Variants in TIAM1 observed in about 807,000 individuals in gnomAD.
The protein encoded by TIAM1 is rho guanine nucleotide exchange factor TIAM1.
TIAM1 carries 65 observed loss-of-function variants against 163.5 expected under a neutral mutation model. That is an observed-to-expected ratio of 0.40 (90% CI 0.33 to 0.49). TIAM1 has a LOEUF of 0.49. Among genes scored for constraint, TIAM1 ranks in the 20% least tolerant of loss-of-function variants. The probability of loss-of-function intolerance (pLI) is 0.77; values close to 1 mark genes in which losing one functional copy is unlikely to be tolerated. For synonymous variants in TIAM1, 833 were observed against 810.1 expected, an observed-to-expected ratio of 1.03 and a Z score of -0.48; for missense variants, 1,789 against 2,044.7, an observed-to-expected ratio of 0.87 and a Z score of 2.41.
chr21:31,518,580 C>T (rs1233901724), intron 1 of TIAM1, among the ~76,000 whole-genome samples: 9 of 152,128 alleles, frequency 5.9e-5, no homozygotes, highest in Non-Finnish European at 1.3e-4. Flanking sequence ...GGCCACTGCG[C>T]CCGGCCCTAA....
intron 1 of TIAM1, among the ~76,000 whole-genome samples, chr21:31,530,694 C>T (rs1283862528): frequency 6.6e-6 from 1 of 152,180 alleles, no homozygotes; most frequent in Non-Finnish European, 1.5e-5. Context: ...CATCAGCTGT[C>T]CCCACCAGCT....
Position 31,144,830 on chromosome 21 carries a change from GAAAAAAAAA to G in TIAM1, c.3475+2056_3475+2064del, listed in dbSNP as rs764835303. ...GGTGACAGAGTGAGACTCCATCTCAGAAAAAAAAAAAAAAAAAAAAAAGAAAAGAAAAGA... is the reference window on the plus strand; with the variant it reads ...GGTGACAGAGTGAGACTCCATCTCAGAAAAAAAAAAAAAGAAAAGAAAAGA... On this transcript the variant is annotated intron_variant, in intron 20 of 27. Transcript: ENST00000541036. Among the ~76,000 whole-genome samples the G allele has an allele frequency of 0.011, 824 of 74,534 alleles. 45 individuals are homozygous for G. The Admixed American group carries it at 0.13, about 12-fold the overall frequency. The allele number at this position is 74,534 out of a possible 152,430, so 48.9% of individuals were successfully genotyped here. A position where few individuals can be genotyped will look rare whatever the true frequency, so the allele number is the denominator to read the frequency against.
At chr21:31,539,317 G>A (rs2048243729) in intron 1 of TIAM1, among the ~76,000 whole-genome samples, 1 of 150,238 alleles carries the variant, frequency 6.7e-6, no homozygotes, top group Admixed American at 6.6e-5. Context: ...CCAGGCTGGA[G>A]TGCAGTGGCA....
chr21:31,537,295 A>C (rs2048168595), intron 1 of TIAM1, among the ~76,000 whole-genome samples: 1 of 152,228 alleles, frequency 6.6e-6, no homozygotes, highest in South Asian at 2.1e-4. Flanking sequence ...AACATAGGTC[A>C]AGGGTCTTGG....
chr21:31,466,004 C>G (rs2045519553), intron 1 of TIAM1, among the ~76,000 whole-genome samples: 1 of 152,224 alleles, frequency 6.6e-6, no homozygotes, highest in African/African-American at 2.4e-5. Context: ...CGGCGCCCGG[C>G]CTTCTTACAG....
chr21:31,200,693 C>T (rs565650756), intron 12 of TIAM1, among the ~76,000 whole-genome samples: 1 of 144,742 alleles, frequency 6.9e-6, no homozygotes, highest in South Asian at 2.1e-4. Context: ...TTTTTGAGAA[C>T]TATTTCAATA....
intron 2 of TIAM1, among the ~76,000 whole-genome samples, chr21:31,311,239 T>C (rs1408903758): frequency 6.6e-6 from 1 of 151,838 alleles, no homozygotes; most frequent in Non-Finnish European, 1.5e-5. Flanking sequence ...ACAAAGACCC[T>C]CCAAAGGGGA....
At chr21:31,328,526 A>G (rs940703793) in intron 2 of TIAM1, among the ~76,000 whole-genome samples, 1 of 151,388 alleles carries the variant, frequency 6.6e-6, no homozygotes, top group African/African-American at 2.4e-5. Flanking sequence ...ACACGGCACC[A>G]CGACTGGCTT....
upstream of TIAM1, among the ~76,000 whole-genome samples, chr21:31,348,684 T>C (rs1364530996): frequency 6.6e-6 from 1 of 152,166 alleles, no homozygotes; most frequent in Non-Finnish European, 1.5e-5. Flanking sequence ...TGCTAGGTAA[T>C]CTGAGGGTCT....
intron 2 of TIAM1, among the ~76,000 whole-genome samples, chr21:31,311,167 GT>G: frequency 9.8e-6 from 1 of 101,772 alleles, no homozygotes; most frequent in Non-Finnish European, 2.0e-5. Flanking sequence ...TTGTTTGTTT[GT>G]TTTGTTTTTT....
chr21:31,375,749 C>G (rs1032662858), intron 2 of TIAM1, among the ~76,000 whole-genome samples: 2 of 152,100 alleles, frequency 1.3e-5, no homozygotes, highest in Non-Finnish European at 2.9e-5. Flanking sequence ...AGAAAAAAGG[C>G]CAGGTGTGGT....
intron 2 of TIAM1, among the ~76,000 whole-genome samples, chr21:31,446,216 C>T (rs1205020099): frequency 4.1e-5 from 2 of 48,356 alleles, no homozygotes; most frequent in Admixed American, 2.7e-4. Context: ...TCTGGGATTA[C>T]AGGTGTGAGC....
chr21:31,528,891 G>A (rs2047875515), intron 1 of TIAM1, among the ~76,000 whole-genome samples: 2 of 149,302 alleles, frequency 1.3e-5, no homozygotes, highest in South Asian at 2.1e-4. Flanking sequence ...CAGGAAACTG[G>A]AAGAATAGGT....
chr21:31,120,286 A>G lies in TIAM1; in HGVS notation c.*82T>C, dbSNP rs1601145478. On this transcript the variant is annotated 3_prime_UTR_variant, in exon 28 of 28. Transcript: ENST00000541036. This position sits in a 1 kb window ranked among gnomAD's most constrained non-coding sequence, Gnocchi z 4.2. ...GTGCAAGAGCGCGACCTAAGGGGAC[A>G]TTCTTGTCGACGGTACAGGAGGGTG... is the stretch of plus-strand genomic sequence containing the variant. 4 of 1,390,712 alleles carry G rather than the reference A, an allele frequency of 2.9e-6. No individual in the cohort carries two copies. Among genetic ancestry groups the G allele is most frequent in the African/African-American group, 1.4e-5 (1 of 69,608 alleles). 86.1% of individuals were successfully genotyped at this position (1,390,712 alleles called of 1,614,324 possible). A position where few individuals can be genotyped will look rare whatever the true frequency, so the allele number is the denominator to read the frequency against.
At chr21:31,185,418 TTA>T (rs964261579) in intron 14 of TIAM1, among the ~76,000 whole-genome samples, 10 of 134,750 alleles carry the variant, frequency 7.4e-5, no homozygotes, top group South Asian at 4.4e-4. Flanking sequence ...TTATATATAA[TTA>T]TGTTATATAA....
In TIAM1 at chr21:31,120,488, C is replaced by T. The variant is rs1252657681; in HGVS notation, c.4656G>A (p.Gln1552=). The T allele has an allele frequency of 1.9e-6, 3 of 1,614,248 alleles. No individual in the cohort carries two copies. Among genetic ancestry groups the T allele is most frequent in the East Asian group, 2.2e-5 (1 of 44,876 alleles). The change falls in exon 28 of 28, where the codon CAG becomes CAA. Residue 1552 remains glutamine (Q), a synonymous_variant. Coordinates refer to ENST00000541036, the MANE Select transcript of TIAM1 (RefSeq NM_001353694.2). The surrounding 1 kb of genome is among the most constrained non-coding windows in gnomAD (Gnocchi z 4.2). The part of the protein sequence containing the change: ...TLDSHASRMA[Q]LKKQAALSGI... ...CCGACAGGGCAGCTTGCTTCTTGAG[C>T]TGTGCCATGCGGGACGCGTGACTAT...
chr21:31,227,859 C>A (rs985179272), intron 6 of TIAM1, among the ~76,000 whole-genome samples: 1 of 152,094 alleles, frequency 6.6e-6, no homozygotes, highest in African/African-American at 2.4e-5. Flanking sequence ...ATCATTGGAT[C>A]TCCCAGTGCC....
intron 1 of TIAM1, among the ~76,000 whole-genome samples, chr21:31,543,763 A>G (rs998185263): frequency 6.6e-6 from 1 of 152,246 alleles, no homozygotes; most frequent in Non-Finnish European, 1.5e-5. Context: ...GAGTCCTGTC[A>G]GACAAGATTG....
At chr21:31,501,586 T>TTTTGTTTGTTTG (rs61313235) in intron 1 of TIAM1, among the ~76,000 whole-genome samples, 20 of 150,748 alleles carry the variant, frequency 1.3e-4, no homozygotes, top group African/African-American at 4.6e-4. Context: ...ATGAAGTGGT[T>TTTTGTTTGTTTG]TTTGTTTGTT....
Sources: gnomAD v4.1 joint callset for allele counts (sites outside exome capture counted in the v4.1 genomes callset) on GRCh38, gnomAD v4.1.1 for gene constraint, Gnocchi (gnomAD v3.1) non-coding constraint, MANE v1.5 for transcripts, NCBI Gene and HGNC (gene_info 2026-07-23, HGNC 2026-07-21) for gene names.